The following POGZ variants were observed in gnomAD, a reference collection of about 807,000 sequenced individuals.
POGZ encodes the protein pogo transposable element with ZNF domain.
POGZ carries 17 observed loss-of-function variants against 134.6 expected under a neutral mutation model. The ratio of observed to expected loss-of-function variants is 0.13; its 90% CI spans 0.09 to 0.19. The LOEUF is 0.19. POGZ is among the 10% of genes least tolerant of loss of function. The probability of loss-of-function intolerance (pLI) is 1.00; values close to 1 mark genes in which losing one functional copy is unlikely to be tolerated. For synonymous variants in POGZ, 693 were observed against 657.1 expected (o/e 1.05, Z -0.84); for missense variants, 1,306 against 1,769.7 (o/e 0.74, Z 4.70).
rs757706134 is a variant in POGZ at position 151,424,062 on chromosome 1, A to G, written c.1410T>C (p.Asp470=). 6.2e-7 allele frequency: 1 copy of G among 1,614,120 alleles called. No homozygotes were observed. The highest frequency in any genetic ancestry group is 8.5e-7 in the Non-Finnish European group (1 of 1,179,964). ...AVQTKLIMLV[D]DFYYGRDGGK... is the part of the protein sequence containing the mutation. ...CACCATCCCGTCCATAGTAGAAGTC[A>G]TCTACAAGCATAATGAGTTTGGTCT... The change falls in exon 9 of 19, where the codon GAT becomes GAC. Residue 470 remains aspartate, a synonymous_variant. Transcript: ENST00000271715.
At chr1:151,407,609 G>A (rs1653870879) in intron 15 of POGZ, among the ~76,000 whole-genome samples, 2 of 151,928 alleles carry the variant, frequency 1.3e-5, no homozygotes, top group Admixed American at 6.6e-5. Context: ...CATCAAAACC[G>A]AAAAAACAGA....
chr1:151,403,494 G>A lies in POGZ; in HGVS notation c.*1308C>T. 2.0e-6 allele frequency: 2 copies of A among 985,726 alleles called. No individual in the cohort carries two copies. The highest frequency in any genetic ancestry group is 2.4e-6 in the Non-Finnish European group (2 of 829,900). 61.1% of individuals were successfully genotyped at this position (985,726 alleles called of 1,614,324 possible). On this transcript the variant is annotated 3_prime_UTR_variant, in exon 19 of 19. Coordinates refer to ENST00000271715, the MANE Select transcript of POGZ (RefSeq NM_015100.4). The stretch of plus-strand genomic sequence containing the variant: ...AGCCTCAGGATAAACAGAAGACTTG[G>A]TTTTTTGCTCCTTTTCTCTGTACGG...
chr1:151,446,843 A>T (rs1661348628), intron 1 of POGZ, among the ~76,000 whole-genome samples: 1 of 151,670 alleles, frequency 6.6e-6, no homozygotes, highest in Admixed American at 6.6e-5. Context: ...GCAAATTTTC[A>T]TACGAGTCTC....
chr1:151,406,688 A>G, intron 17 of POGZ, 57 bp from the exon 18 acceptor site: 1 of 1,442,060 alleles, frequency 6.9e-7, no homozygotes, highest in South Asian at 1.2e-5. Context: ...AGCCCTCCAA[A>G]GACAGTGCCC....
Position 151,428,045 on chromosome 1 carries a change from C to T in POGZ, c.860-4G>A, listed in dbSNP as rs367847911. The T allele has an allele frequency of 3.2e-5, 51 of 1,613,876 alleles. No homozygotes were observed. The highest frequency in any genetic ancestry group is 4.0e-5 in the African/African-American group (3 of 74,928). ...GGTGGAGAGGGGAAGGAGGGAGCTA[C>T]GGTGACCAAGTGATAATCATCTGTT... On this transcript the variant is annotated splice_region_variant and splice_polypyrimidine_tract_variant and intron_variant, in intron 6 of 18. Transcript: ENST00000271715.
At chr1:151,411,555 C>T in intron 12 of POGZ, 70 bp downstream of exon 12, 3 of 1,132,916 alleles carry the variant, frequency 2.6e-6, no homozygotes, top group Non-Finnish European at 3.8e-6. Flanking sequence ...CTAGCTCAGC[C>T]CTGGCCCCAG....
In POGZ at chr1:151,408,392, TAGA is replaced by T. The variant is rs747641628; in HGVS notation, c.2234+14_2234+16del. The T allele has an allele frequency of 2.2e-5, 34 of 1,581,328 alleles. No homozygotes were observed. Among genetic ancestry groups the T allele is most frequent in the Non-Finnish European group, 1.2e-5 (14 of 1,169,160 alleles). ...ACCCAGTCCCCACCCGCCCAGCACT[TAGA>T]AGAAGGCGCTGACATTTTCCTAACA... is the stretch of plus-strand genomic sequence containing the variant. On this transcript the variant is annotated intron_variant, in intron 14 of 18. Transcript: ENST00000271715.
At position 151,404,775 on chromosome 1, in the gene POGZ, C is replaced by T; in HGVS notation, c.*27G>A. ...CCTCCCTCACATGTTCCCACCCTCA[C>T]TCCACACCCCCTCATGACCCCAACA... is the stretch of plus-strand genomic sequence containing the variant. On this transcript the variant is annotated 3_prime_UTR_variant, in exon 19 of 19. Transcript: ENST00000271715. 1 of 1,567,168 alleles carries T rather than the reference C, an allele frequency of 6.4e-7. No individual in the cohort carries two copies. Among genetic ancestry groups the T allele is most frequent in the Non-Finnish European group, 8.7e-7 (1 of 1,154,980 alleles).
intron 6 of POGZ, 37 bp from the exon 7 acceptor site, chr1:151,428,078 C>A (rs759348617): frequency 6.2e-7 from 1 of 1,613,322 alleles, no homozygotes. Context: ...GTTCTCCACC[C>A]ACCATCCCAA....
At chr1:151,413,602 C>T (rs879598506) in intron 10 of POGZ, among the ~76,000 whole-genome samples, 3 of 151,996 alleles carry the variant, frequency 2.0e-5, no homozygotes, top group Non-Finnish European at 4.4e-5. Flanking sequence ...CTCCCCCCGC[C>T]CCCAGCCCCC....
chr1:151,407,142 A>C, intron 16 of POGZ, 93 bp downstream of exon 16: 2 of 1,231,436 alleles, frequency 1.6e-6, no homozygotes, highest in South Asian at 1.3e-5. Flanking sequence ...TTCTGAAATT[A>C]ATTCACATAA....
intron 3 of POGZ, among the ~76,000 whole-genome samples, chr1:151,432,614 C>T (rs527454201): frequency 6.6e-6 from 1 of 152,116 alleles, no homozygotes; most frequent in Non-Finnish European, 1.5e-5. Context: ...ATAGTGAACC[C>T]CTATGCAACC....
In POGZ at chr1:151,404,773, C is replaced by G. The variant is rs899803652; in HGVS notation, c.*29G>C. Reference sequence around the variant, plus strand: ...ACCCTCCCTCACATGTTCCCACCCTCACTCCACACCCCCTCATGACCCCAA... The same window carrying G: ...ACCCTCCCTCACATGTTCCCACCCTGACTCCACACCCCCTCATGACCCCAA... On this transcript the variant is annotated 3_prime_UTR_variant, in exon 19 of 19. Transcript: ENST00000271715. 1 of 1,561,070 alleles carries G rather than the reference C, an allele frequency of 6.4e-7. No homozygotes were observed. Among genetic ancestry groups the G allele is most frequent in the Non-Finnish European group, 8.7e-7 (1 of 1,152,064 alleles).
rs762415874 is a variant in POGZ at position 151,406,663 on chromosome 1, C to T, written c.2546-32G>A. The T allele has an allele frequency of 2.5e-6, 4 of 1,593,906 alleles. No individual in the cohort carries two copies. In the South Asian group the frequency reaches 3.4e-5, roughly 13 times the overall value. On this transcript the variant is annotated intron_variant, in intron 17 of 18. Transcript: ENST00000271715. ...AAAATGAAACAACAAAAATAGTTAG[C>T]TCAGTGAAAAAATAAGCCCTCCAAA...
Position 151,412,292 on chromosome 1 carries a change from A to C in POGZ, c.1779+4T>G, listed in dbSNP as rs754449900. The C allele has an allele frequency of 2.0e-6, 3 of 1,524,104 alleles. No individual in the cohort carries two copies. The highest frequency in any genetic ancestry group is 2.7e-6 in the Non-Finnish European group (3 of 1,104,846). 94.4% of individuals were successfully genotyped at this position (1,524,104 alleles called of 1,614,324 possible). ...CTAAAACTCCCTGGAGAAAAAGGCA[A>C]TACCTGGCAAACATAAGGCATCTCT... On this transcript the variant is annotated splice_donor_region_variant and intron_variant, in intron 11 of 18. Coordinates refer to ENST00000271715, the MANE Select transcript of POGZ (RefSeq NM_015100.4).
intron 10 of POGZ, among the ~76,000 whole-genome samples, chr1:151,417,940 T>G (rs940147569): frequency 1.1e-4 from 16 of 152,140 alleles, no homozygotes; most frequent in African/African-American, 3.9e-4. Flanking sequence ...TCAACCTAAG[T>G]GCCCACCAAC....
intron 10 of POGZ, among the ~76,000 whole-genome samples, chr1:151,416,210 CA>C (rs1212371839): frequency 5.5e-3 from 236 of 42,768 alleles, no homozygotes; most frequent in East Asian, 0.025. Flanking sequence ...AACTCCATCT[CA>C]AAAAAAAAAA....
chr1:151,423,084 T>C (rs945838369), intron 10 of POGZ, among the ~76,000 whole-genome samples: 23 of 152,282 alleles, frequency 1.5e-4, no homozygotes, highest in African/African-American at 5.1e-4. Context: ...GAAGAGCAAA[T>C]AGATGACTGT....
At chr1:151,415,438 G>A (rs559396487) in intron 10 of POGZ, among the ~76,000 whole-genome samples, 10 of 152,186 alleles carry the variant, frequency 6.6e-5, no homozygotes, top group Non-Finnish European at 1.0e-4. Flanking sequence ...GGCCGAGGCC[G>A]GTGGATCACG....
Sources: gnomAD v4.1 joint callset for allele counts (sites outside exome capture counted in the v4.1 genomes callset) on GRCh38, gnomAD v4.1.1 for gene constraint, MANE v1.5 for transcripts, NCBI Gene and HGNC (gene_info 2026-07-23, HGNC 2026-07-21) for gene names.